Variants in EXOC4 observed in about 807,000 individuals in gnomAD.
EXOC4 encodes the protein exocyst complex component 4, also known as SEC8-like 1.
Under a neutral mutation model 107.2 loss-of-function variants are expected in EXOC4, and 71 were observed. That is an observed-to-expected ratio of 0.66 (90% confidence interval 0.55 to 0.81). The LOEUF (loss-of-function observed/expected upper bound fraction) is 0.81. Among genes scored for constraint, EXOC4 ranks in the 30% least tolerant of loss-of-function variants. EXOC4 has a pLI of 0.00. For missense variants in EXOC4, 1,108 were observed against 1,189.6 expected (o/e 0.93, Z 1.01); for synonymous variants, 456 against 441.2 (o/e 1.03, Z -0.42).
At chr7:133,572,795 G>A (rs1801052091) in intron 9 of EXOC4, among the ~76,000 whole-genome samples, 1 of 152,128 alleles carries the variant, frequency 6.6e-6, no homozygotes, top group African/African-American at 2.4e-5. Flanking sequence ...AATAGTCCAA[G>A]AATAGTGATA....
At chr7:134,093,920 G>A in the EXOC4 span, among the ~76,000 whole-genome samples, 2 of 152,164 alleles carry the variant, frequency 1.3e-5, no homozygotes, top group Non-Finnish European at 2.9e-5. Flanking sequence ...TGCAGCAAAA[G>A]CAGTGTTAAG....
At chr7:134,040,054 T>C (rs1423178081) in intron 17 of EXOC4, among the ~76,000 whole-genome samples, 1 of 152,214 alleles carries the variant, frequency 6.6e-6, no homozygotes, top group East Asian at 1.9e-4. Flanking sequence ...CAGCCCTTCA[T>C]ATCCTGTTAA....
At chr7:133,570,450 C>T (rs1381168915) in intron 9 of EXOC4, among the ~76,000 whole-genome samples, 1 of 152,210 alleles carries the variant, frequency 6.6e-6, no homozygotes, top group Non-Finnish European at 1.5e-5. Flanking sequence ...ATGTCGTGCT[C>T]TTTCACCATC....
chr7:133,982,656 C>A (rs1036793041), intron 14 of EXOC4, among the ~76,000 whole-genome samples: 2 of 152,172 alleles, frequency 1.3e-5, no homozygotes, highest in African/African-American at 4.8e-5. Context: ...GTGTGTCAAA[C>A]GCTGTTCTAA....
At chr7:133,432,218 G>GA (rs1221475851) in intron 7 of EXOC4, among the ~76,000 whole-genome samples, 8 of 147,806 alleles carry the variant, frequency 5.4e-5, no homozygotes, top group South Asian at 2.1e-4. Flanking sequence ...GGATAGTGAG[G>GA]AAAAAAAAAC....
chr7:133,860,379 C>A (rs889531450), intron 11 of EXOC4, among the ~76,000 whole-genome samples: 1 of 152,170 alleles, frequency 6.6e-6, no homozygotes, highest in Non-Finnish European at 1.5e-5. Context: ...GAGAGAACAT[C>A]AAACTAAAAG....
chr7:134,051,626 C>CA (rs1181513096), intron 17 of EXOC4, among the ~76,000 whole-genome samples: 17 of 147,500 alleles, frequency 1.2e-4, no homozygotes, highest in African/African-American at 4.3e-4. Flanking sequence ...GAGCCGAGAT[C>CA]GCGCCGCTGC....
intron 4 of EXOC4, among the ~76,000 whole-genome samples, chr7:133,312,695 C>T (rs1794901569): frequency 6.6e-6 from 1 of 151,780 alleles, no homozygotes; most frequent in Non-Finnish European, 1.5e-5. Context: ...GATGGACAGA[C>T]ACTCATTTTT....
rs563884009 is a variant in EXOC4 at position 133,829,925 on chromosome 7, GA to G, written c.1734+12390del. ...ATTGGAAATACAGTCTTTTGAGGAG[GA>G]AAAAAAAAGCCATCTAGGCTTCTAG... is the stretch of plus-strand genomic sequence containing the variant. On this transcript the variant is annotated intron_variant, in intron 11 of 17. Transcript: ENST00000253861. Among the ~76,000 whole-genome samples, 10 of 150,244 alleles carry G rather than the reference GA, an allele frequency of 6.7e-5. No homozygotes were observed. The East Asian group carries it at 1.4e-3, about 21-fold the overall frequency.
chr7:133,495,701 A>G (rs1413466829), intron 9 of EXOC4, among the ~76,000 whole-genome samples: 1 of 152,218 alleles, frequency 6.6e-6, no homozygotes, highest in Non-Finnish European at 1.5e-5. Context: ...TTCTATGACT[A>G]TAGGACAATT....
chr7:134,077,601 A>G, the EXOC4 span, among the ~76,000 whole-genome samples: 1 of 152,226 alleles, frequency 6.6e-6, no homozygotes, highest in African/African-American at 2.4e-5. Flanking sequence ...AATTGGGCCC[A>G]GAACAAAGAC....
chr7:134,076,857 G>A, the EXOC4 span, among the ~76,000 whole-genome samples: 59 of 152,130 alleles, frequency 3.9e-4, no homozygotes, highest in Middle Eastern at 3.4e-3. Context: ...ATGGTTGGAC[G>A]TAAAATTTTT....
At chr7:133,998,598 A>G (rs747890566) in intron 15 of EXOC4, among the ~76,000 whole-genome samples, 1 of 152,138 alleles carries the variant, frequency 6.6e-6, no homozygotes, top group East Asian at 1.9e-4. Flanking sequence ...GACTGAAAGA[A>G]TAAGGCACAG....
intron 17 of EXOC4, among the ~76,000 whole-genome samples, chr7:134,051,969 G>C (rs563912971): frequency 6.7e-6 from 1 of 150,116 alleles, no homozygotes; most frequent in African/African-American, 2.5e-5. Flanking sequence ...CTGGGCAATA[G>C]AGCACGACTC....
rs141453603 is a variant in EXOC4 at position 133,441,243 on chromosome 7, G to C, written c.1183-34085G>C. 2.6e-5 allele frequency among the ~76,000 whole-genome samples: 4 copies of C among 152,306 alleles called. No homozygotes were observed. The East Asian group carries it at 7.7e-4, about 29-fold the overall frequency. ...ATTTGGAGAAGTAGTACCAGAAAGA[G>C]AGTTAGGAAGGTACACGGAATATGT... On this transcript the variant is annotated intron_variant, in intron 7 of 17. Transcript: ENST00000253861.
At chr7:133,878,747 G>A (rs556534333) in intron 11 of EXOC4, among the ~76,000 whole-genome samples, 13 of 152,060 alleles carry the variant, frequency 8.5e-5, no homozygotes, top group African/African-American at 2.7e-4. Context: ...TTTTTGAGAC[G>A]AAGTCTTGCT....
Position 133,583,640 on chromosome 7 carries a change from C to G in EXOC4, c.1418-46405C>G, listed in dbSNP as rs533197388. 6.0e-4 allele frequency among the ~76,000 whole-genome samples: 91 copies of G among 152,182 alleles called. 1 individual carries two copies. The highest frequency in any genetic ancestry group is 2.1e-3 in the African/African-American group (87 of 41,502). On this transcript the variant is annotated intron_variant, in intron 9 of 17. Coordinates refer to ENST00000253861, the MANE Select transcript of EXOC4 (RefSeq NM_021807.4). ...ACCAGTTGTATTTAGAGGAAAGCAACCAGTTCATTCAGTGGCATGTCTAGG... is the reference window on the plus strand; with the variant it reads ...ACCAGTTGTATTTAGAGGAAAGCAAGCAGTTCATTCAGTGGCATGTCTAGG...
At chr7:133,492,273 T>C (rs1799386488) in intron 9 of EXOC4, among the ~76,000 whole-genome samples, 1 of 152,158 alleles carries the variant, frequency 6.6e-6, no homozygotes, top group Non-Finnish European at 1.5e-5. Flanking sequence ...CAGTTGGACA[T>C]GGTGACTCAT....
At chr7:133,634,088 G>T (rs963820818) in intron 10 of EXOC4, among the ~76,000 whole-genome samples, 1 of 152,050 alleles carries the variant, frequency 6.6e-6, no homozygotes, top group Non-Finnish European at 1.5e-5. Flanking sequence ...GCAGTTTCCC[G>T]TTATGCTGGT....
Sources: allele counts gnomAD v4.1 joint callset (sites outside exome capture counted in the v4.1 genomes callset), GRCh38; gene constraint gnomAD v4.1.1; transcripts MANE v1.5; gene names NCBI Gene and HGNC (gene_info 2026-07-23, HGNC 2026-07-21).